SAMD8: variants seen among roughly 807,000 people sequenced by gnomAD.
The protein encoded by SAMD8 is sterile alpha motif domain containing 8, also known as sphingomyelin synthase-related protein 1.
SAMD8 carries 20 observed loss-of-function variants against 42.0 expected under a neutral mutation model. The observed-to-expected ratio is 0.48, with a 90% CI of 0.34 to 0.69. SAMD8 has a LOEUF of 0.69. Ranked by LOEUF, SAMD8 falls within the 30% of genes least tolerant of loss-of-function variation. The pLI is 0.01. For missense variants in SAMD8, 328 were observed against 511.6 expected (o/e 0.64, Z 3.46); for synonymous variants, 162 against 173.0 (o/e 0.94, Z 0.50).
rs76138910 is a variant in SAMD8 at position 75,105,920 on chromosome 10, C to T, written c.-16+6192C>T. 2.6e-3 allele frequency: 3,963 copies of T among 1,515,398 alleles called. 97 individuals carry two copies. In the African/African-American group the frequency reaches 0.048, roughly 18 times the overall value. 93.9% of individuals were successfully genotyped at this position (1,515,398 alleles called of 1,614,324 possible). ...CCTGTCCCACACACCGGCCCACCCA[C>T]GGGCTGGGATGGGGACCCAAGTTCC... On this transcript the variant is annotated intron_variant, in intron 1 of 3. Coordinates refer to the SAMD8 transcript ENST00000447533.
intron 1 of SAMD8, chr10:75,125,845 C>G (rs1231285285): frequency 1.3e-5 from 2 of 152,154 alleles, no homozygotes; most frequent in South Asian, 2.1e-4. Flanking sequence ...GAGTGCTGCC[C>G]CATGACCTCC....
chr10:75,163,439 T>C (rs1840604944), intron 2 of SAMD8, among the ~76,000 whole-genome samples: 1 of 152,022 alleles, frequency 6.6e-6, no homozygotes, highest in Non-Finnish European at 1.5e-5. Flanking sequence ...TCCCTCTTTC[T>C]TTTTTTCTTT....
At chr10:75,174,737 G>A (rs577187139) in intron 4 of SAMD8, among the ~76,000 whole-genome samples, 1 of 151,550 alleles carries the variant, frequency 6.6e-6, no homozygotes, top group Non-Finnish European at 1.5e-5. Context: ...CCTGCAGTAT[G>A]CTTTTTTTTT....
chr10:75,171,552 T>C (rs980042827), intron 4 of SAMD8, among the ~76,000 whole-genome samples: 7 of 152,204 alleles, frequency 4.6e-5, no homozygotes, highest in Non-Finnish European at 1.0e-4. Flanking sequence ...TTTAACAGTA[T>C]TCCATTGTGG....
intron 4 of SAMD8, among the ~76,000 whole-genome samples, chr10:75,169,685 G>C (rs1406361879): frequency 6.6e-6 from 1 of 152,148 alleles, no homozygotes; most frequent in East Asian, 1.9e-4. Flanking sequence ...AGGCCAAGGC[G>C]GGTGGATCAC....
At position 75,170,716 on chromosome 10, in the gene SAMD8, T is replaced by A. The variant is rs764212249; in HGVS notation, c.792+2058T>A. On this transcript the variant is annotated intron_variant, in intron 4 of 5. Coordinates refer to ENST00000542569, the MANE Select transcript of SAMD8 (RefSeq NM_001174156.2). ...ATAATACAGTTAACAGTTGTGTGTA[T>A]AGCCACACAGACCATTTTTAAGCAT... 4.0e-5 allele frequency among the ~76,000 whole-genome samples: 6 copies of A among 151,152 alleles called. No homozygotes were observed. The East Asian group carries it at 1.2e-3, about 29-fold the overall frequency.
At chr10:75,104,859 A>T (rs1589910639) in intron 1 of SAMD8, among the ~76,000 whole-genome samples, 3 of 152,080 alleles carry the variant, frequency 2.0e-5, no homozygotes, top group African/African-American at 7.2e-5. Context: ...TGGGCTGGCT[A>T]TGCCTTCAGA....
chr10:75,117,439 G>C (rs1848910979), intron 1 of SAMD8, among the ~76,000 whole-genome samples: 1 of 151,468 alleles, frequency 6.6e-6, no homozygotes, highest in African/African-American at 2.4e-5. Flanking sequence ...AAAAGGGTGG[G>C]CGTGATGGCT....
At chr10:75,170,122 G>A (rs572630443) in intron 4 of SAMD8, among the ~76,000 whole-genome samples, 13 of 152,120 alleles carry the variant, frequency 8.5e-5, no homozygotes, top group South Asian at 4.1e-4. Flanking sequence ...TGTTAAAATC[G>A]CCTGTACTTT....
rs186658302 is a variant in SAMD8 at position 75,135,656 on chromosome 10, T to G, written c.-15-14858T>G. On this transcript the variant is annotated intron_variant, in intron 1 of 5. Transcript: ENST00000542569. ...CTGGCTAACATGGTGAAACCCTCTC[T>G]CTACTAAAAATACAAAAAAATTAAC... Among the ~76,000 whole-genome samples the G allele has an allele frequency of 8.7e-3, 1,320 of 151,728 alleles. 13 individuals carry two copies. The highest frequency in any genetic ancestry group is 0.02 in the Middle Eastern group (6 of 294).
chr10:75,107,551 C>T (rs11001294), upstream of SAMD8, among the ~76,000 whole-genome samples: 56,725 of 151,744 alleles, frequency 0.37, 11,711 homozygotes, highest in East Asian at 0.67. Flanking sequence ...TCGGGTTCGA[C>T]AAAATGCTGG....
chr10:75,124,417 AG>A (rs1849079244), intron 1 of SAMD8, among the ~76,000 whole-genome samples: 1 of 152,160 alleles, frequency 6.6e-6, no homozygotes, highest in South Asian at 2.1e-4. Context: ...GTTCGAGAGC[AG>A]TCTGGCCAAC....
chr10:75,147,841 GATATA>G (rs1158545090), intron 1 of SAMD8, among the ~76,000 whole-genome samples: 1 of 152,046 alleles, frequency 6.6e-6, no homozygotes, highest in Admixed American at 6.5e-5. Flanking sequence ...TTGTATATAT[GATATA>G]ATAAATGATA....
chr10:75,127,862 A>G (rs1013459671), intron 1 of SAMD8, among the ~76,000 whole-genome samples: 8 of 152,194 alleles, frequency 5.3e-5, no homozygotes, highest in African/African-American at 1.9e-4. Flanking sequence ...ACTTTTGTTC[A>G]CTGTATTTCC....
At chr10:75,158,973 G>T (rs1413123888) in intron 2 of SAMD8, among the ~76,000 whole-genome samples, 1 of 151,524 alleles carries the variant, frequency 6.6e-6, no homozygotes, top group Admixed American at 6.6e-5. Flanking sequence ...ATAGGTGTTT[G>T]TGTTGTTTCT....
chr10:75,168,790 T>C, intron 4 of SAMD8, 132 bp downstream of exon 4: 4 of 607,640 alleles, frequency 6.6e-6, no homozygotes, highest in Middle Eastern at 2.8e-4. Flanking sequence ...AAAAAAACTA[T>C]AGAAATAATT....
At chr10:75,148,236 T>G (rs951599897) in intron 1 of SAMD8, among the ~76,000 whole-genome samples, 1 of 152,178 alleles carries the variant, frequency 6.6e-6, no homozygotes, top group African/African-American at 2.4e-5. Flanking sequence ...CTAAATAGTT[T>G]TGATGATATA....
intron 1 of SAMD8, among the ~76,000 whole-genome samples, chr10:75,105,319 A>G (rs1344701326): frequency 1.3e-5 from 2 of 152,086 alleles, no homozygotes; most frequent in East Asian, 3.9e-4. Context: ...TGGCCCCAAG[A>G]CCAGGTAGGA....
In SAMD8 at chr10:75,174,127, T is replaced by G. The variant is rs192831631; in HGVS notation, c.793-1939T>G. Among the ~76,000 whole-genome samples, 559 of 152,302 alleles carry G rather than the reference T, an allele frequency of 3.7e-3. 2 individuals carry two copies. Among genetic ancestry groups the G allele is most frequent in the African/African-American group, 0.012 (490 of 41,566 alleles). On this transcript the variant is annotated intron_variant, in intron 4 of 5. Transcript: ENST00000542569. ...TGTGGTTTTTGTTGTTGTTGTTGTT[T>G]TTTTGAGACGGAGTCTCGCTCTGTC...
Sources: gnomAD v4.1 joint callset for allele counts (sites outside exome capture counted in the v4.1 genomes callset) on GRCh38, gnomAD v4.1.1 for gene constraint, MANE v1.5 for transcripts, NCBI Gene and HGNC (gene_info 2026-07-23, HGNC 2026-07-21) for gene names.